Variants in PTK7 observed in about 807,000 individuals in gnomAD.
The protein encoded by PTK7 is protein tyrosine kinase 7 (inactive), also known as inactive tyrosine-protein kinase 7.
A neutral mutation model predicts 116.6 loss-of-function variants in PTK7; 39 were observed. That is an observed-to-expected ratio of 0.33 (90% CI 0.26 to 0.44). PTK7 has a LOEUF of 0.44. Ranked by LOEUF, PTK7 falls within the 20% of genes least tolerant of loss-of-function variation. The pLI, the probability that PTK7 is intolerant of heterozygous loss-of-function variation, is 1.00. For synonymous variants in PTK7, 546 were observed against 563.6 expected, an observed-to-expected ratio of 0.97 and a Z score of 0.44; for missense variants, 1,169 against 1,425.6, an observed-to-expected ratio of 0.82 and a Z score of 2.90.
At chr6:43,147,430 C>T (rs2150460786) in intron 17 of PTK7, among the ~76,000 whole-genome samples, 1 of 152,342 alleles carries the variant, frequency 6.6e-6, no homozygotes, top group South Asian at 2.1e-4. Flanking sequence ...TTCTTGCCCA[C>T]AGCTGCCTCC....
At chr6:43,088,962 T>C (rs1043252010) in intron 1 of PTK7, among the ~76,000 whole-genome samples, 8 of 152,086 alleles carry the variant, frequency 5.3e-5, no homozygotes, top group Admixed American at 2.6e-4. Context: ...TAGGAGGTAA[T>C]AGAGTCATCC....
In PTK7 at chr6:43,076,836, C is replaced by T. The variant is rs976495284; in HGVS notation, c.79+269C>T. Reference sequence around the variant, plus strand: ...CTCCCTGAGTTTTTCTGGTCTGAGCCGAGAGTTTGCTCGAGAACTGCCGAG... The same window carrying T: ...CTCCCTGAGTTTTTCTGGTCTGAGCTGAGAGTTTGCTCGAGAACTGCCGAG... On this transcript the variant is annotated intron_variant, in intron 1 of 19. Transcript: ENST00000230419. The surrounding 1 kb of genome is among the most constrained non-coding windows in gnomAD (Gnocchi z 5.7). 6.2e-5 allele frequency: 89 copies of T among 1,435,776 alleles called. No homozygotes were observed. The highest frequency in any genetic ancestry group is 7.7e-5 in the Non-Finnish European group (84 of 1,090,286). The allele number at this position is 1,435,776 out of a possible 1,614,324, so 88.9% of individuals were successfully genotyped here.
chr6:43,157,727 A>C (rs1327090260), intron 17 of PTK7, among the ~76,000 whole-genome samples: 1 of 151,624 alleles, frequency 6.6e-6, no homozygotes, highest in African/African-American at 2.4e-5. Flanking sequence ...CCAAAGAAAT[A>C]TATATATATA....
Position 43,157,370 on chromosome 6 carries a change from TTTTTTC to T in PTK7, c.2722-1441_2722-1436del, listed in dbSNP as rs1376096961. On this transcript the variant is annotated intron_variant, in intron 17 of 19. Coordinates refer to ENST00000230419, the MANE Select transcript of PTK7 (RefSeq NM_002821.5). ...TATATATATATATATATATATTTTT[TTTTTTC>T]TTTTTTTTTTTTTTTTTTTAATAGA... Among the ~76,000 whole-genome samples the T allele has an allele frequency of 9.0e-4, 60 of 66,796 alleles. 3 individuals carry two copies. The highest frequency in any genetic ancestry group is 3.5e-3 in the African/African-American group (57 of 16,146). The allele number at this position is 66,796 out of a possible 152,430, so 43.8% of individuals were successfully genotyped here.
intron 1 of PTK7, among the ~76,000 whole-genome samples, chr6:43,104,146 T>G (rs1767733612): frequency 6.6e-6 from 1 of 152,036 alleles, no homozygotes; most frequent in African/African-American, 2.4e-5. Flanking sequence ...ATACAGAAAA[T>G]CAGATCTTAT....
chr6:43,091,925 C>T (rs565471409), intron 1 of PTK7, among the ~76,000 whole-genome samples: 6 of 152,188 alleles, frequency 3.9e-5, no homozygotes, highest in South Asian at 2.1e-4. Context: ...TGCAGTGGCG[C>T]GATCTCAGCT....
At chr6:43,123,100 G>C (rs1475002415) in intron 1 of PTK7, among the ~76,000 whole-genome samples, 1 of 152,000 alleles carries the variant, frequency 6.6e-6, no homozygotes, top group Non-Finnish European at 1.5e-5. Context: ...ACTCAGCCAG[G>C]GTCTTTCTAT....
intron 1 of PTK7, among the ~76,000 whole-genome samples, chr6:43,112,794 C>T (rs1768266057): frequency 6.6e-6 from 1 of 152,058 alleles, no homozygotes; most frequent in Admixed American, 6.6e-5. Context: ...GGTCTTTCTG[C>T]CTTTGGTGGC....
At chr6:43,152,138 C>T (rs1771149860) in intron 17 of PTK7, among the ~76,000 whole-genome samples, 1 of 152,134 alleles carries the variant, frequency 6.6e-6, no homozygotes, top group African/African-American at 2.4e-5. Context: ...ACGTGAGCCA[C>T]TGCGCCCAGC....
At chr6:43,122,768 AG>A (rs1769038138) in intron 1 of PTK7, among the ~76,000 whole-genome samples, 1 of 151,942 alleles carries the variant, frequency 6.6e-6, no homozygotes, top group Non-Finnish European at 1.5e-5. Context: ...CACCATGCCC[AG>A]CTAATTTTTG....
Position 43,132,582 on chromosome 6 carries a change from G to C in PTK7, c.1123G>C (p.Glu375Gln), listed in dbSNP as rs768148052. The C allele has an allele frequency of 6.2e-7, 1 of 1,612,948 alleles. No individual in the cohort carries two copies. The highest frequency in any genetic ancestry group is 1.3e-5 in the African/African-American group (1 of 74,908). Residue 375 changes from glutamate (E) to glutamine (Q), a missense_variant, in exon 7 of 20, where the codon GAG becomes CAG. Physicochemically the swap from Glu to Gln is conservative, Grantham distance 29. This residue lies in a region of PTK7 where 487 missense variants were observed against 549.8 expected (regional missense o/e 0.89). Coordinates refer to ENST00000230419, the MANE Select transcript of PTK7 (RefSeq NM_002821.5). ...TGGCAGGGTCTACCAGAAGGGCCAC[G>C]AGCTGGTGTTGGCCAATATTGCTGA... ...THGRVYQKGH[E>Q]LVLANIAESD...
intron 6 of PTK7, 91 bp from the exon 7 acceptor site, chr6:43,132,330 C>T: frequency 6.6e-7 from 1 of 1,507,160 alleles, no homozygotes; most frequent in Non-Finnish European, 8.9e-7. Flanking sequence ...AGGGTTTGTG[C>T]TGGGAAAGGG....
chr6:43,105,723 T>C (rs1007982076), intron 1 of PTK7, among the ~76,000 whole-genome samples: 1 of 151,748 alleles, frequency 6.6e-6, no homozygotes, highest in South Asian at 2.1e-4. Flanking sequence ...AAGGCTGAGG[T>C]TGGAGTGATG....
At chr6:43,085,246 C>T (rs1377527158) in intron 1 of PTK7, among the ~76,000 whole-genome samples, 1 of 152,130 alleles carries the variant, frequency 6.6e-6, no homozygotes, top group Non-Finnish European at 1.5e-5. Context: ...CTGTCCTGGC[C>T]AGCCGTTTCC....
At position 43,132,636 on chromosome 6, in the gene PTK7, G is replaced by A. The variant is rs114969849; in HGVS notation, c.1177G>A (p.Ala393Thr). 400 of 1,590,576 alleles carry A rather than the reference G, an allele frequency of 2.5e-4. 1 individual carries two copies. The African/African-American group carries it at 3.9e-3, about 15-fold the overall frequency. ...ESDAGVYTCHAANLAGQRRQD... is the reference protein window; with the variant it reads ...ESDAGVYTCHTANLAGQRRQD... ...TGATGCTGGTGTCTACACCTGCCAC[G>A]CGGCCAACCTGGCTGGTCAGCGGAG... Residue 393 changes from alanine to threonine, a missense_variant, in exon 7 of 20, where the codon GCG (alanine) becomes ACG (threonine). Ala to Thr is a moderately conservative substitution (Grantham distance 58, BLOSUM62 0). Around this residue, in one of 3 missense-constraint regions of PTK7, gnomAD observed 487 missense variants for 549.8 expected, o/e 0.89. Transcript: ENST00000230419.
At chr6:43,137,389 G>A (rs923227207) in intron 7 of PTK7, among the ~76,000 whole-genome samples, 2 of 152,140 alleles carry the variant, frequency 1.3e-5, no homozygotes, top group African/African-American at 2.4e-5. Context: ...TGGGGGTGGG[G>A]TATAGAGAGA....
intron 1 of PTK7, among the ~76,000 whole-genome samples, chr6:43,105,698 C>T (rs1172706357): frequency 4.6e-5 from 7 of 152,260 alleles, no homozygotes; most frequent in Non-Finnish European, 7.4e-5. Flanking sequence ...CACAGGAAGA[C>T]GGCTTGTGAT....
intron 17 of PTK7, among the ~76,000 whole-genome samples, chr6:43,152,930 T>A (rs564810742): frequency 2.5e-4 from 37 of 149,388 alleles, no homozygotes; most frequent in African/African-American, 8.6e-4. Flanking sequence ...GGATTACAGG[T>A]GCGTGCCACC....
chr6:43,123,452 C>T (rs1275908450), intron 1 of PTK7, among the ~76,000 whole-genome samples: 2 of 152,148 alleles, frequency 1.3e-5, no homozygotes, highest in Non-Finnish European at 2.9e-5. Context: ...GTGGGAGTGC[C>T]TAGGAAAAAC....
Sources: allele counts gnomAD v4.1 joint callset (sites outside exome capture counted in the v4.1 genomes callset), GRCh38; gene constraint gnomAD v4.1.1; regional missense constraint gnomAD v4.1.1; non-coding constraint Gnocchi (gnomAD v3.1); transcripts MANE v1.5; gene names NCBI Gene and HGNC (gene_info 2026-07-23, HGNC 2026-07-21).